Variants in RBFOX1 observed in about 807,000 individuals in gnomAD.
The protein encoded by RBFOX1 is RNA binding protein fox-1 homolog 1.
Under a neutral mutation model 57.7 loss-of-function variants are expected in RBFOX1, and 8 were observed. The observed-to-expected ratio is 0.14, with a 90% CI of 0.08 to 0.25. The LOEUF is 0.25. RBFOX1 is among the 10% of genes least tolerant of loss of function. The pLI is 1.00. For synonymous variants in RBFOX1, 326 were observed against 222.4 expected (o/e 1.47, Z -4.15); for missense variants, 611 against 548.5 (o/e 1.11, Z -1.14).
chr16:6,091,833 A>C (rs984954175), intron 1 of RBFOX1, among the ~76,000 whole-genome samples: 1 of 152,190 alleles, frequency 6.6e-6, no homozygotes, highest in African/African-American at 2.4e-5. Flanking sequence ...TCTGTCTCAA[A>C]AAAACAAAAC....
intron 3 of RBFOX1, among the ~76,000 whole-genome samples, chr16:6,836,625 G>A (rs1242053164): frequency 3.3e-5 from 5 of 152,156 alleles, no homozygotes; most frequent in Non-Finnish European, 7.4e-5. Flanking sequence ...TTCTGTGAAG[G>A]TCTTACGGAC....
At chr16:6,627,513 C>T (rs982665335) in intron 2 of RBFOX1, among the ~76,000 whole-genome samples, 1 of 152,130 alleles carries the variant, frequency 6.6e-6, no homozygotes, top group Non-Finnish European at 1.5e-5. Context: ...ACAGTCATAA[C>T]ACAGTGGAGG....
chr16:5,834,983 C>T (rs533497055), intron 3 of RBFOX1, among the ~76,000 whole-genome samples: 55 of 152,300 alleles, frequency 3.6e-4, no homozygotes, highest in African/African-American at 1.2e-3. Context: ...TAAGTGTTCC[C>T]TTTGAGATAT....
At chr16:6,847,696 G>T (rs926164222) in intron 3 of RBFOX1, among the ~76,000 whole-genome samples, 1 of 152,146 alleles carries the variant, frequency 6.6e-6, no homozygotes, top group Non-Finnish European at 1.5e-5. Flanking sequence ...ATTTGACAGT[G>T]ATCGTCAGGA....
At chr16:7,260,937 G>A (rs374430431) in intron 4 of RBFOX1, among the ~76,000 whole-genome samples, 2 of 152,158 alleles carry the variant, frequency 1.3e-5, no homozygotes, top group East Asian at 1.9e-4. Context: ...CTAGGCTCTG[G>A]CCAAACACCT....
At chr16:5,670,111 C>T (rs1016598454) in intron 3 of RBFOX1, among the ~76,000 whole-genome samples, 4 of 152,006 alleles carry the variant, frequency 2.6e-5, no homozygotes, top group African/African-American at 9.7e-5. Context: ...ATTCCATTTA[C>T]CTGAAGTGTC....
intron 4 of RBFOX1, among the ~76,000 whole-genome samples, chr16:7,232,239 G>C (rs963936022): frequency 8.6e-5 from 13 of 152,034 alleles, no homozygotes; most frequent in Non-Finnish European, 1.8e-4. Flanking sequence ...GGCCAGGCTG[G>C]TCATGAACTC....
rs373628230 is a variant in RBFOX1, at chr16:5,596,897, A to C, written c.259-2005A>C. ...CATTTGTGTTTATTTGTTCACTTCA[A>C]TAAGCTGGAGGGTGGATGTGGCATG... On this transcript the variant is annotated intron_variant, in intron 2 of 2. Coordinates refer to the RBFOX1 transcript ENST00000585867. 2.0e-5 allele frequency among the ~76,000 whole-genome samples: 3 copies of C among 152,302 alleles called. No individual in the cohort carries two copies. The South Asian group carries it at 6.2e-4, about 32-fold the overall frequency.
rs1421408573 is a variant in RBFOX1, at chr16:7,709,939, A to G, written c.1072-684A>G. On this transcript the variant is annotated intron_variant, in intron 15 of 15. Coordinates refer to ENST00000550418, the MANE Select transcript of RBFOX1 (RefSeq NM_018723.4). ...ATCAAGAATATCAGTCCTTACCCTA[A>G]AAATGAATCCCCATAGGCATTCATT... 3.9e-6 allele frequency: 4 copies of G among 1,025,386 alleles called. No homozygotes were observed. The African/African-American group carries it at 6.9e-5, about 18-fold the overall frequency. 63.5% of individuals were successfully genotyped at this position (1,025,386 alleles called of 1,614,324 possible).
rs77454169 is a variant in RBFOX1, at chr16:7,697,958, G to A, written c.996-11098G>A. ...AGCAGGCATATGTTTAGTTCCGTGTGCTGGGAGTACTGGTGTAGTTGTGGG... is the reference window on the plus strand; with the variant it reads ...AGCAGGCATATGTTTAGTTCCGTGTACTGGGAGTACTGGTGTAGTTGTGGG... On this transcript the variant is annotated intron_variant, in intron 14 of 15. Coordinates refer to ENST00000550418, the MANE Select transcript of RBFOX1 (RefSeq NM_018723.4). Among the ~76,000 whole-genome samples, 347 of 152,314 alleles carry A rather than the reference G, an allele frequency of 2.3e-3. 2 individuals are homozygous for A. The highest frequency in any genetic ancestry group is 7.0e-3 in the African/African-American group (292 of 41,568).
chr16:7,059,055 T>G (rs2053422761), intron 4 of RBFOX1, among the ~76,000 whole-genome samples: 1 of 152,228 alleles, frequency 6.6e-6, no homozygotes, highest in Non-Finnish European at 1.5e-5. Flanking sequence ...CTGCTAGATA[T>G]GAGAGTGATG....
At chr16:6,817,932 G>C (rs546110193) in intron 3 of RBFOX1, among the ~76,000 whole-genome samples, 1 of 152,250 alleles carries the variant, frequency 6.6e-6, no homozygotes, top group Non-Finnish European at 1.5e-5. Flanking sequence ...AATCTACTGT[G>C]TCTCTCTGTT....
At chr16:6,150,149 C>A (rs1327838281) in intron 1 of RBFOX1, among the ~76,000 whole-genome samples, 3 of 152,160 alleles carry the variant, frequency 2.0e-5, no homozygotes, top group Non-Finnish European at 4.4e-5. Flanking sequence ...CTAGAGCTCA[C>A]AGCTGAGGCT....
chr16:5,934,407 C>G (rs981894307), intron 4 of RBFOX1, among the ~76,000 whole-genome samples: 1 of 152,114 alleles, frequency 6.6e-6, no homozygotes, highest in Non-Finnish European at 1.5e-5. Context: ...GTAAAGCTTC[C>G]TTTCTAAATC....
intron 3 of RBFOX1, among the ~76,000 whole-genome samples, chr16:7,033,286 G>A (rs957673872): frequency 2.6e-5 from 4 of 152,000 alleles, no homozygotes; most frequent in Middle Eastern, 3.2e-3. Flanking sequence ...TTGGGAGGCC[G>A]AGGCGGGCAG....
At chr16:6,006,011 C>T (rs2094925187) in intron 4 of RBFOX1, among the ~76,000 whole-genome samples, 1 of 152,134 alleles carries the variant, frequency 6.6e-6, no homozygotes, top group East Asian at 1.9e-4. Flanking sequence ...CATGGAGAGT[C>T]TTGTATGGTA....
chr16:6,929,430 G>T (rs868827712), intron 3 of RBFOX1, among the ~76,000 whole-genome samples: 1 of 152,134 alleles, frequency 6.6e-6, no homozygotes, highest in Non-Finnish European at 1.5e-5. Flanking sequence ...CAGGTAAACA[G>T]CAGTTCCCTG....
At chr16:7,317,291 C>T (rs1037393379) in intron 4 of RBFOX1, among the ~76,000 whole-genome samples, 5 of 152,148 alleles carry the variant, frequency 3.3e-5, no homozygotes, top group African/African-American at 1.2e-4. Flanking sequence ...AGTCAGACTT[C>T]GGCAGGCTTT....
intron 3 of RBFOX1, among the ~76,000 whole-genome samples, chr16:6,843,090 T>C (rs1567516435): frequency 6.6e-6 from 1 of 152,174 alleles, no homozygotes; most frequent in Non-Finnish European, 1.5e-5. Context: ...GGTTCCAAGA[T>C]TTACTATTGT....
Sources: allele counts gnomAD v4.1 joint callset (sites outside exome capture counted in the v4.1 genomes callset), GRCh38; gene constraint gnomAD v4.1.1; transcripts MANE v1.5; gene names NCBI Gene and HGNC (gene_info 2026-07-23, HGNC 2026-07-21).